Variants in JAG2 observed in about 807,000 individuals in gnomAD.
JAG2 encodes protein jagged-2.
A neutral mutation model predicts 141.7 loss-of-function variants in JAG2; 46 were observed. The observed-to-expected ratio is 0.32, with a 90% CI of 0.26 to 0.42. The LOEUF (loss-of-function observed/expected upper bound fraction) is 0.42. JAG2 is among the 10% of genes least tolerant of loss of function. The pLI is 1.00. For synonymous variants in JAG2, 862 were observed against 763.5 expected, an observed-to-expected ratio of 1.13 and a Z score of -2.13; for missense variants, 1,500 against 1,817.5, an observed-to-expected ratio of 0.83 and a Z score of 3.18.
rs903728833 is a variant in JAG2 at position 105,141,069 on chromosome 14, CTTTT to C, written c.*1622_*1625del. On this transcript the variant is annotated 3_prime_UTR_variant, in exon 26 of 26. Transcript: ENST00000331782. ...CCTCACTCCCAGGCTGTCAGCAGGA[CTTTT>C]TTTTTCTCTTTTGTACAGATCTGGT... The C allele has an allele frequency of 2.6e-5, 4 of 151,904 alleles. No homozygotes were observed. The highest frequency in any genetic ancestry group is 4.4e-5 in the Non-Finnish European group (3 of 67,952). The allele number at this position is 151,904 out of a possible 1,614,324, so 9.4% of individuals were successfully genotyped here.
Position 105,151,716 on chromosome 14 carries a change from G to C in JAG2, c.1063C>G (p.Pro355Ala). 6.2e-7 allele frequency: 1 copy of C among 1,610,904 alleles called. No homozygotes were observed. Among genetic ancestry groups the C allele is most frequent in the Non-Finnish European group, 8.5e-7 (1 of 1,179,176 alleles). Reference protein sequence around the residue: ...EKAEHACTSNPCANGGSCHEV... With the variant: ...EKAEHACTSNACANGGSCHEV... The stretch of plus-strand genomic sequence containing the variant: ...TGGCAAGAGCCCCCGTTGGCACACG[G>C]GTTGGAGGTGCAGGCGTGCTCAGCT... Residue 355 changes from proline (P) to alanine (A), a missense_variant, in exon 8 of 26, where the codon CCG becomes GCG. Pro to Ala is a conservative substitution (Grantham distance 27). Around this residue, in one of 3 missense-constraint regions of JAG2, gnomAD observed 875 missense variants for 1,202.2 expected, o/e 0.73. Coordinates refer to ENST00000331782, the MANE Select transcript of JAG2 (RefSeq NM_002226.5).
rs771031914 is a variant in JAG2, at chr14:105,144,992, G to A, written c.3022C>T (p.Arg1008Cys). 5.0e-6 allele frequency: 8 copies of A among 1,609,142 alleles called. No homozygotes were observed. Among genetic ancestry groups the A allele is most frequent in the East Asian group, 2.2e-5 (1 of 44,882 alleles). Residue 1008 changes from arginine to cysteine, a missense_variant, in exon 24 of 26, where the codon CGC becomes TGC. Physicochemically the swap from Arg to Cys is radical, Grantham distance 180. This residue lies in a region of JAG2 where 425 missense variants were observed against 441.0 expected (regional missense o/e 0.96). Transcript: ENST00000331782. ...LPATRAVARD[R>C]LLVLLCDRAS... ...CGGTCGCAAAGCAACACCAGCAGGCGGTCCCGTGCCACAGCCCTTGTGGCT... is the reference window on the plus strand; with the variant it reads ...CGGTCGCAAAGCAACACCAGCAGGCAGTCCCGTGCCACAGCCCTTGTGGCT...
intron 2 of JAG2, among the ~76,000 whole-genome samples, chr14:105,165,278 C>G (rs1214197668): frequency 6.6e-6 from 1 of 152,232 alleles, no homozygotes; most frequent in Non-Finnish European, 1.5e-5. Flanking sequence ...CCTGCTGCCC[C>G]CAGCATGACA....
At position 105,168,378 on chromosome 14, in the gene JAG2, GC is replaced by G; in HGVS notation, c.42del (p.Leu15CysfsTer20). On this transcript the variant is annotated frameshift_variant, in exon 1 of 26. Transcript: ENST00000331782. LOFTEE classifies it high-confidence loss of function. ...ACCTGCACCCAGAGCGCCAGCAGCAGCAGCAGCCGCCGGGGAAGGCGCCCCC... is the reference window on the plus strand; with the variant it reads ...ACCTGCACCCAGAGCGCCAGCAGCAGAGCAGCCGCCGGGGAAGGCGCCCCC... Reference protein sequence around the residue: ...QGRGRLPRRLLLLLALWVQAA... With the variant: ...QGRGRLPRRLXLLLALWVQAA... 9.8e-7 allele frequency: 1 copy of G among 1,023,268 alleles called. No homozygotes were observed. Among genetic ancestry groups the G allele is most frequent in the Non-Finnish European group, 1.2e-6 (1 of 831,006 alleles). 63.4% of individuals were successfully genotyped at this position (1,023,268 alleles called of 1,614,324 possible). A position where few individuals can be genotyped will look rare whatever the true frequency, so the allele number is the denominator to read the frequency against.
chr14:105,148,170 C>T lies in JAG2; in HGVS notation c.2194G>A (p.Asp732Asn). The change falls in exon 17 of 26, where the codon GAC (aspartate) becomes AAC (asparagine). Residue 732 changes from aspartate to asparagine, a missense_variant. Transcript: ENST00000331782. ...SNGGTCYDSGDTFRCACPPGW... is the reference protein window; with the variant it reads ...SNGGTCYDSGNTFRCACPPGW... ...GGGGGGCAGGCGCAGCGGAAGGTGTCGCCGCTGTCGTAGCAGGTGCCACCG... is the reference window on the plus strand; with the variant it reads ...GGGGGGCAGGCGCAGCGGAAGGTGTTGCCGCTGTCGTAGCAGGTGCCACCG... The T allele has an allele frequency of 5.8e-6, 9 of 1,551,598 alleles. No individual in the cohort carries two copies. The highest frequency in any genetic ancestry group is 1.7e-4 in the Middle Eastern group (1 of 5,918).
Position 105,149,339 on chromosome 14 carries a change from C to T in JAG2, c.1603-19G>A, listed in dbSNP as rs1211291390. 1 of 1,612,486 alleles carries T rather than the reference C, an allele frequency of 6.2e-7. No homozygotes were observed. Among genetic ancestry groups the T allele is most frequent in the Admixed American group, 1.7e-5 (1 of 60,020 alleles). On this transcript the variant is annotated intron_variant, in intron 12 of 25. Transcript: ENST00000331782. ...CATCCACCTGCAGGGTGGGGGGTGC[C>T]TGTGAGAGCCTAGGCCCAGGCCCAG...
rs777375529 is a variant in JAG2 at position 105,144,219 on chromosome 14, C to T, written c.3085-581G>A. 3.5e-4 allele frequency among the ~76,000 whole-genome samples: 53 copies of T among 151,700 alleles called. 1 individual carries two copies. Among genetic ancestry groups the T allele is most frequent in the Non-Finnish European group, 5.6e-4 (38 of 67,806 alleles). ...GGGCACCACAAACCTAGTGCCTTCA[C>T]GAGGCCACAGCAACCCGGGGCTGTG... On this transcript the variant is annotated intron_variant, in intron 24 of 25. Transcript: ENST00000331782.
chr14:105,143,786 C>T lies in JAG2; in HGVS notation c.3085-148G>A, dbSNP rs1888138602. On this transcript the variant is annotated intron_variant, in intron 24 of 25. Transcript: ENST00000331782. ...GGTCCTGCAGTGGCGACTTCACCAC[C>T]AGGCAGTGAGTGGGGAGTAGCGGGG... The T allele has an allele frequency of 8.2e-6, 7 of 853,082 alleles. No homozygotes were observed. The Admixed American group carries it at 1.3e-4, about 16-fold the overall frequency. 52.8% of individuals were successfully genotyped at this position (853,082 alleles called of 1,614,324 possible). A position where few individuals can be genotyped will look rare whatever the true frequency, so the allele number is the denominator to read the frequency against.
chr14:105,151,525 G>C lies in JAG2; in HGVS notation c.1153+101C>G, dbSNP rs926436286. ...CTCGCCAAGCCAGCCGCAGCCACAC[G>C]TGTGGACTTGACCACTGCACCCCAT... On this transcript the variant is annotated intron_variant, in intron 8 of 25. Transcript: ENST00000331782. 23 of 1,326,122 alleles carry C rather than the reference G, an allele frequency of 1.7e-5. No homozygotes were observed. In the African/African-American group the frequency reaches 2.9e-4, roughly 17 times the overall value. The allele number at this position is 1,326,122 out of a possible 1,614,324, so 82.1% of individuals were successfully genotyped here.
In JAG2 at chr14:105,143,575, C is replaced by T. The variant is rs1238179652; in HGVS notation, c.3148G>A (p.Val1050Met). Residue 1050 changes from valine (V) to methionine (M), a missense_variant, in exon 25 of 26, where the codon GTG becomes ATG. This residue lies in a region of JAG2 where 425 missense variants were observed against 441.0 expected (regional missense o/e 0.96). Transcript: ENST00000331782. ...TTCCCCCGCTGGGTGATGGCGGCCA[C>T]GATGGCGTGGGCCGCGCCCTGGATC... ...SLIQGAAHAI[V>M]AAITQRGNSS... is the part of the protein sequence containing the mutation. 2.5e-6 allele frequency: 4 copies of T among 1,604,570 alleles called. No individual in the cohort carries two copies. The highest frequency in any genetic ancestry group is 1.7e-4 in the Middle Eastern group (1 of 6,048).
intron 24 of JAG2, 113 bp downstream of exon 24, chr14:105,144,817 C>T: frequency 1.5e-6 from 2 of 1,359,716 alleles, no homozygotes; most frequent in Middle Eastern, 1.9e-4. Flanking sequence ...GGCCTGCCCG[C>T]AGTCCTTCCG....
intron 2 of JAG2, among the ~76,000 whole-genome samples, chr14:105,159,078 C>A (rs1000061038): frequency 1.3e-5 from 2 of 152,030 alleles, no homozygotes; most frequent in Admixed American, 6.5e-5. Context: ...CAGCCCCTCC[C>A]CTAACCAACG....
At chr14:105,147,161 AC>A in intron 20 of JAG2, 164 bp downstream of exon 20, 2 of 673,366 alleles carry the variant, frequency 3.0e-6, no homozygotes, top group Admixed American at 2.1e-5. Flanking sequence ...TACAGCAGGA[AC>A]CCCACAGGGC....
chr14:105,142,624 G>A lies in JAG2; in HGVS notation c.*71C>T, dbSNP rs1000686252. The A allele has an allele frequency of 7.7e-6, 9 of 1,165,790 alleles. No homozygotes were observed. Among genetic ancestry groups the A allele is most frequent in the African/African-American group, 1.6e-5 (1 of 64,376 alleles). The allele number at this position is 1,165,790 out of a possible 1,614,324, so 72.2% of individuals were successfully genotyped here. A position where few individuals can be genotyped will look rare whatever the true frequency, so the allele number is the denominator to read the frequency against. On this transcript the variant is annotated 3_prime_UTR_variant, in exon 26 of 26. Coordinates refer to ENST00000331782, the MANE Select transcript of JAG2 (RefSeq NM_002226.5). ...ATAAAGAAACTATGCACATGGCCTC[G>A]GCCTCCGGGTCCGGCAGACGGCATG...
At chr14:105,151,525 G>A (rs926436286) in intron 8 of JAG2, 101 bp downstream of exon 8, 33 of 1,326,238 alleles carry the variant, frequency 2.5e-5, no homozygotes, top group Non-Finnish European at 3.4e-5. Flanking sequence ...GCAGCCACAC[G>A]TGTGGACTTG....
At position 105,144,921 on chromosome 14, in the gene JAG2, G is replaced by T. The variant is rs1432072422; in HGVS notation, c.3084+9C>A. ...CCCACCCAGGTGCTGCTCCCCACTG[G>T]GCACTCACCACGGCCACCTCCACAG... On this transcript the variant is annotated intron_variant, in intron 24 of 25. Transcript: ENST00000331782. 43 of 1,598,008 alleles carry T rather than the reference G, an allele frequency of 2.7e-5. No individual in the cohort carries two copies. The highest frequency in any genetic ancestry group is 1.6e-4 in the Middle Eastern group (1 of 6,064).
At position 105,154,714 on chromosome 14, in the gene JAG2, G is replaced by A. The variant is rs748623393; in HGVS notation, c.788+848C>T. On this transcript the variant is annotated intron_variant, in intron 5 of 25. Coordinates refer to ENST00000331782, the MANE Select transcript of JAG2 (RefSeq NM_002226.5). The surrounding 1 kb of genome is among the most constrained non-coding windows in gnomAD (Gnocchi z 4.4). ...CTGAATGCCACCCCCCACAGGCCCC[G>A]CGTGGCGCAGGCCAGGCCTCTCCCA... Among the ~76,000 whole-genome samples the A allele has an allele frequency of 3.3e-5, 5 of 150,822 alleles. No individual in the cohort carries two copies. The highest frequency in any genetic ancestry group is 2.1e-4 in the South Asian group (1 of 4,754).
intron 12 of JAG2, among the ~76,000 whole-genome samples, chr14:105,150,137 G>A (rs1347449908): frequency 6.8e-6 from 1 of 147,038 alleles, no homozygotes; most frequent in Non-Finnish European, 1.5e-5. Flanking sequence ...GGGGAGGTTG[G>A]GGGAGGGGGT....
chr14:105,168,327 C>T (rs1269577851), intron 1 of JAG2, 28 bp downstream of exon 1: 3 of 724,966 alleles, frequency 4.1e-6, no homozygotes, highest in Non-Finnish European at 5.2e-6. Flanking sequence ...CCGTCCGCGA[C>T]CCCCGCCGCC....
Sources: allele counts gnomAD v4.1 joint callset (sites outside exome capture counted in the v4.1 genomes callset), GRCh38; gene constraint gnomAD v4.1.1; regional missense constraint gnomAD v4.1.1; non-coding constraint Gnocchi (gnomAD v3.1); transcripts MANE v1.5; gene names NCBI Gene and HGNC (gene_info 2026-07-23, HGNC 2026-07-21).